Variants in MEIS2 observed in about 807,000 individuals in gnomAD.
The protein encoded by MEIS2 is Meis homeobox 2.
In MEIS2, 9 loss-of-function variants were observed where a neutral mutation model predicts 58.6. The ratio of observed to expected loss-of-function variants is 0.15; its 90% confidence interval spans 0.09 to 0.27. MEIS2 has a LOEUF of 0.27. Ranked by LOEUF, MEIS2 falls within the 10% of genes least tolerant of loss-of-function variation. The probability of loss-of-function intolerance (pLI) is 1.00; values close to 1 mark genes in which losing one functional copy is unlikely to be tolerated. For missense variants in MEIS2, 427 were observed against 635.0 expected (o/e 0.67, Z 3.52); for synonymous variants, 221 against 228.4 (o/e 0.97, Z 0.29).
At chr15:37,054,924 A>G (rs776464038) in intron 7 of MEIS2, among the ~76,000 whole-genome samples, 4 of 152,206 alleles carry the variant, frequency 2.6e-5, no homozygotes, top group Admixed American at 1.3e-4. Context: ...ATACAAAATA[A>G]TATTTATTGA....
intron 9 of MEIS2, among the ~76,000 whole-genome samples, chr15:36,937,269 G>C (rs1473713028): frequency 6.6e-6 from 1 of 152,164 alleles, no homozygotes; most frequent in African/African-American, 2.4e-5. Flanking sequence ...TCAACGTCTA[G>C]AGTCACTCTA....
At chr15:37,050,005 A>C (rs901134036) in intron 7 of MEIS2, among the ~76,000 whole-genome samples, 1 of 152,194 alleles carries the variant, frequency 6.6e-6, no homozygotes, top group Non-Finnish European at 1.5e-5. Flanking sequence ...TATGCTGCTT[A>C]TATTACAAAG....
intron 9 of MEIS2, among the ~76,000 whole-genome samples, chr15:36,922,214 A>G (rs2057539789): frequency 1.3e-5 from 2 of 152,230 alleles, no homozygotes; most frequent in South Asian, 4.1e-4. Flanking sequence ...GAGCTTTGCA[A>G]CAGTGAACAA....
intron 6 of MEIS2, among the ~76,000 whole-genome samples, chr15:37,089,102 G>GA (rs138150717): frequency 0.13 from 20,478 of 152,054 alleles, 1,462 homozygotes; most frequent in Non-Finnish European, 0.15. Context: ...CAACACAACA[G>GA]AAAATCCACG....
intron 9 of MEIS2, among the ~76,000 whole-genome samples, chr15:36,922,623 T>C (rs556051875): frequency 1.7e-4 from 24 of 140,986 alleles, no homozygotes; most frequent in Admixed American, 6.2e-4. Context: ...TTCTTTCTTT[T>C]TTTTTTTTTT....
rs539660683 is a variant in MEIS2 at position 36,890,371 on chromosome 15, G to T, written c.*1802C>A. The T allele has an allele frequency of 1.3e-5, 2 of 151,998 alleles. No homozygotes were observed. Among genetic ancestry groups the T allele is most frequent in the Non-Finnish European group, 2.9e-5 (2 of 67,968 alleles). 9.4% of individuals were successfully genotyped at this position (151,998 alleles called of 1,614,324 possible). On this transcript the variant is annotated 3_prime_UTR_variant, in exon 12 of 12. Coordinates refer to ENST00000561208, the MANE Select transcript of MEIS2 (RefSeq NM_170675.5). ...AAAATTTTGAAAATGGCATTATACC[G>T]TCCATTTTGTTTTGTTTTGTTTTCA...
intron 9 of MEIS2, among the ~76,000 whole-genome samples, chr15:36,944,344 G>T (rs1283324310): frequency 5.3e-5 from 8 of 152,016 alleles, no homozygotes; most frequent in Non-Finnish European, 1.0e-4. Flanking sequence ...TCCAAGAAAT[G>T]ATTATATGAC....
intron 8 of MEIS2, among the ~76,000 whole-genome samples, chr15:36,992,423 A>G (rs994171840): frequency 6.6e-6 from 1 of 152,182 alleles, no homozygotes; most frequent in African/African-American, 2.4e-5. Context: ...GCCTCAATGA[A>G]TATTAAAACA....
At chr15:36,906,666 A>C (rs1387294169) in intron 9 of MEIS2, among the ~76,000 whole-genome samples, 2 of 151,760 alleles carry the variant, frequency 1.3e-5, no homozygotes, top group African/African-American at 2.4e-5. Flanking sequence ...AAAAAAAAAA[A>C]AAAAACAAGG....
intron 9 of MEIS2, among the ~76,000 whole-genome samples, chr15:36,903,043 C>T (rs1011811662): frequency 6.6e-6 from 1 of 152,000 alleles, no homozygotes; most frequent in African/African-American, 2.4e-5. Context: ...TCTTATTTGA[C>T]TAAGGTTTAT....
At chr15:37,051,244 A>G (rs2062906350) in intron 7 of MEIS2, among the ~76,000 whole-genome samples, 2 of 152,232 alleles carry the variant, frequency 1.3e-5, no homozygotes, top group East Asian at 3.8e-4. Context: ...GAGTGGATAA[A>G]CAAACTGTGG....
At chr15:37,007,517 G>A (rs934033379) in intron 8 of MEIS2, among the ~76,000 whole-genome samples, 2 of 152,218 alleles carry the variant, frequency 1.3e-5, no homozygotes, top group Middle Eastern at 3.2e-3. Flanking sequence ...AAGAGCAGCA[G>A]AGACACCCTG....
chr15:37,100,839 GA>G (rs1895035473), upstream of MEIS2: 1 of 150,702 alleles, frequency 6.6e-6, no homozygotes, highest in African/African-American at 2.4e-5. Flanking sequence ...AAACCACAGG[GA>G]AAGTACGGTA....
At chr15:36,992,960 A>C (rs1274545016) in intron 8 of MEIS2, among the ~76,000 whole-genome samples, 2 of 152,206 alleles carry the variant, frequency 1.3e-5, no homozygotes, top group Non-Finnish European at 2.9e-5. Context: ...CCTTCCTGCT[A>C]AAACTATGAG....
intron 9 of MEIS2, among the ~76,000 whole-genome samples, chr15:36,936,722 T>TTA (rs529954484): frequency 6.6e-6 from 1 of 152,356 alleles, no homozygotes; most frequent in East Asian, 1.9e-4. Flanking sequence ...ACTCAACCTG[T>TTA]TATACTATTC....
At chr15:37,099,172 C>A in intron 1 of MEIS2, 1 of 1,294,674 alleles carries the variant, frequency 7.7e-7, no homozygotes, top group Non-Finnish European at 9.8e-7. Context: ...CGATTGCACA[C>A]GCACACACAC....
rs1027075740 is a variant in MEIS2 at position 37,093,524 on chromosome 15, T to C, written c.639+57A>G. On this transcript the variant is annotated intron_variant, in intron 6 of 11. Transcript: ENST00000561208. ...AGTGGAGCTAGATGTTAAAACAAGGTTAAAATAATGCTTTGCCCAGTGGCC... is the reference window on the plus strand; with the variant it reads ...AGTGGAGCTAGATGTTAAAACAAGGCTAAAATAATGCTTTGCCCAGTGGCC... 3 of 1,589,770 alleles carry C rather than the reference T, an allele frequency of 1.9e-6. No homozygotes were observed. The African/African-American group carries it at 4.0e-5, about 21-fold the overall frequency.
At chr15:37,042,774 A>G (rs2062482294) in intron 7 of MEIS2, among the ~76,000 whole-genome samples, 2 of 152,168 alleles carry the variant, frequency 1.3e-5, no homozygotes, top group Non-Finnish European at 2.9e-5. Flanking sequence ...AGTTCCTGCA[A>G]GAGCTTTAAT....
At chr15:37,042,831 G>C (rs926085798) in intron 7 of MEIS2, among the ~76,000 whole-genome samples, 4 of 152,162 alleles carry the variant, frequency 2.6e-5, no homozygotes, top group African/African-American at 9.7e-5. Flanking sequence ...CACAGTCCAA[G>C]TGAAGACTCT....
Sources: allele counts gnomAD v4.1 joint callset (sites outside exome capture counted in the v4.1 genomes callset), GRCh38; gene constraint gnomAD v4.1.1; transcripts MANE v1.5; gene names NCBI Gene and HGNC (gene_info 2026-07-23, HGNC 2026-07-21).